PHF21B: variants seen among roughly 807,000 people sequenced by gnomAD.
The protein encoded by PHF21B is PHD finger protein 4.
A neutral mutation model predicts 62.2 loss-of-function variants in PHF21B; 22 were observed. The ratio of observed to expected loss-of-function variants is 0.35; its 90% CI spans 0.25 to 0.51. The LOEUF is 0.51. Among genes scored for constraint, PHF21B ranks in the 20% least tolerant of loss-of-function variants. PHF21B has a pLI of 0.97. For missense variants in PHF21B, 701 were observed against 707.9 expected (o/e 0.99, Z 0.11); for synonymous variants, 341 against 314.7 (o/e 1.08, Z -0.88).
chr22:44,989,797 A>T (rs1452726672), intron 2 of PHF21B, among the ~76,000 whole-genome samples: 1 of 152,004 alleles, frequency 6.6e-6, no homozygotes, highest in Non-Finnish European at 1.5e-5. Flanking sequence ...TTTAGTAGAG[A>T]CAGGGTTTCA....
intron 2 of PHF21B, among the ~76,000 whole-genome samples, chr22:44,932,781 G>A (rs937075769): frequency 6.6e-6 from 1 of 152,248 alleles, no homozygotes; most frequent in African/African-American, 2.4e-5. Context: ...CTTGGTGTGG[G>A]CAGGGATGCA....
chr22:44,916,734 A>C (rs1469103555), intron 3 of PHF21B, 104 bp from the exon 4 acceptor site: 13 of 1,021,022 alleles, frequency 1.3e-5, no homozygotes, highest in Non-Finnish European at 1.8e-5. Flanking sequence ...GGGAAGGGGC[A>C]GCACTGGAAA....
chr22:44,982,422 C>A (rs1026219639), intron 2 of PHF21B, among the ~76,000 whole-genome samples: 1 of 152,218 alleles, frequency 6.6e-6, no homozygotes, highest in Non-Finnish European at 1.5e-5. Flanking sequence ...AACCCTTCCA[C>A]AGATGAGAAA....
intron 2 of PHF21B, among the ~76,000 whole-genome samples, chr22:44,964,394 C>A (rs1569259211): frequency 2.0e-5 from 3 of 152,194 alleles, no homozygotes; most frequent in African/African-American, 7.2e-5. Flanking sequence ...TCTCGCACCC[C>A]TGAACCTGGG....
chr22:44,943,286 C>T (rs1449471123), intron 2 of PHF21B, among the ~76,000 whole-genome samples: 1 of 152,108 alleles, frequency 6.6e-6, no homozygotes, highest in Non-Finnish European at 1.5e-5. Flanking sequence ...GCCAGGGGCT[C>T]GGGGACACAG....
chr22:44,891,197 C>A (rs1465420802), intron 8 of PHF21B, 109 bp downstream of exon 8: 1 of 1,247,178 alleles, frequency 8.0e-7, no homozygotes, highest in Admixed American at 2.0e-5. Flanking sequence ...CCAGGTCAGA[C>A]CAGTGGGAGG....
At chr22:44,913,423 G>C (rs1044811954) in intron 5 of PHF21B, among the ~76,000 whole-genome samples, 3 of 152,196 alleles carry the variant, frequency 2.0e-5, no homozygotes, top group Non-Finnish European at 2.9e-5. Flanking sequence ...ACCAGGTGCT[G>C]TCCAGGGGCT....
At chr22:44,926,831 G>A (rs372597981) in intron 2 of PHF21B, among the ~76,000 whole-genome samples, 16 of 152,294 alleles carry the variant, frequency 1.1e-4, no homozygotes, top group East Asian at 3.9e-4. Flanking sequence ...GTATCCGGGT[G>A]TTGCCATGTG....
At chr22:44,955,292 C>T (rs116022378) in intron 2 of PHF21B, among the ~76,000 whole-genome samples, 2,767 of 152,320 alleles carry the variant, frequency 0.018, 89 homozygotes, top group African/African-American at 0.062. Flanking sequence ...GCTTCAGCCT[C>T]CTCATCTGGG....
At chr22:44,916,147 G>C in intron 4 of PHF21B, 133 bp downstream of exon 4, 1 of 822,812 alleles carries the variant, frequency 1.2e-6, no homozygotes, top group Non-Finnish European at 1.9e-6. Flanking sequence ...TCATTCATTT[G>C]TCCACTTGAT....
chr22:44,920,153 A>G (rs2071508695), intron 3 of PHF21B, among the ~76,000 whole-genome samples: 1 of 152,232 alleles, frequency 6.6e-6, no homozygotes. Flanking sequence ...CATTTATTCC[A>G]TTTTAAAAAA....
At chr22:44,955,136 G>C (rs2072270540) in intron 2 of PHF21B, among the ~76,000 whole-genome samples, 1 of 152,186 alleles carries the variant, frequency 6.6e-6, no homozygotes, top group Non-Finnish European at 1.5e-5. Flanking sequence ...GTCATGCTGT[G>C]TCTCCCAGAG....
At position 44,969,652 on chromosome 22, in the gene PHF21B, C is replaced by T. The variant is rs1164084596; in HGVS notation, c.120+38893G>A. On this transcript the variant is annotated intron_variant, in intron 2 of 12. Transcript: ENST00000313237. ...CTGCACTCCAGCCTGGGTCATACAG[C>T]GAGACTCAGTCTCAAAAAAAAAGAA... Among the ~76,000 whole-genome samples the T allele has an allele frequency of 3.3e-5, 5 of 151,766 alleles. No individual in the cohort carries two copies. In the South Asian group the frequency reaches 6.3e-4, roughly 19 times the overall value.
Position 44,980,064 on chromosome 22 carries a change from G to A in PHF21B, c.120+28481C>T, listed in dbSNP as rs553705322. Among the ~76,000 whole-genome samples, 403 of 57,972 alleles carry A rather than the reference G, an allele frequency of 7.0e-3. 1 individual carries two copies. The highest frequency in any genetic ancestry group is 9.9e-3 in the Admixed American group (28 of 2,816). 38.0% of individuals were successfully genotyped at this position (57,972 alleles called of 152,430 possible). A position where few individuals can be genotyped will look rare whatever the true frequency, so the allele number is the denominator to read the frequency against. ...AGCCTGGGCAACAGAGCAAGACTTC[G>A]TCTCAAAAAAAAAAAAAAAAAAAAA... On this transcript the variant is annotated intron_variant, in intron 2 of 12. Coordinates refer to ENST00000313237, the MANE Select transcript of PHF21B (RefSeq NM_138415.5).
At chr22:44,998,497 G>A (rs765656881) in intron 2 of PHF21B, among the ~76,000 whole-genome samples, 36 of 152,100 alleles carry the variant, frequency 2.4e-4, no homozygotes, top group Non-Finnish European at 3.5e-4. Context: ...AGTTTCCCTC[G>A]GGTAAGATGA....
chr22:44,941,756 A>C (rs890658116), intron 2 of PHF21B, among the ~76,000 whole-genome samples: 1 of 152,100 alleles, frequency 6.6e-6, no homozygotes, highest in Non-Finnish European at 1.5e-5. Flanking sequence ...TCTGGTCAGG[A>C]AACAGACCTG....
In PHF21B at chr22:45,008,913, TGTGA is replaced by T. The variant is rs1009619303; in HGVS notation, c.55-307_55-304del. ...GGGTGCGTGTGCGAGTGAGTGTGAG[TGTGA>T]GTGTGTGCCGGGGGAGGGGGGAGGA... On this transcript the variant is annotated intron_variant, in intron 1 of 12. Coordinates refer to ENST00000313237, the MANE Select transcript of PHF21B (RefSeq NM_138415.5). The T allele has an allele frequency of 1.0e-4, 120 of 1,145,078 alleles. No homozygotes were observed. The East Asian group carries it at 1.0e-3, about 10-fold the overall frequency. 70.9% of individuals were successfully genotyped at this position (1,145,078 alleles called of 1,614,324 possible).
chr22:44,913,953 T>C lies in PHF21B; in HGVS notation c.700A>G (p.Ile234Val). The part of the protein sequence containing the change: ...PLHGIFQVII[I>V]QPQVQTQPES... The stretch of plus-strand genomic sequence containing the variant: ...GGCTGCGTCTGCACTTGAGGCTGAA[T>C]GATGATGACCTGGAAGATGCCATGG... Residue 234 changes from isoleucine (I) to valine (V), a missense_variant, in exon 5 of 13, where the codon ATT becomes GTT. Transcript: ENST00000313237. 6.2e-7 allele frequency: 1 copy of C among 1,604,208 alleles called. No homozygotes were observed. The highest frequency in any genetic ancestry group is 8.5e-7 in the Non-Finnish European group (1 of 1,178,616).
intron 4 of PHF21B, 60 bp downstream of exon 4, chr22:44,916,220 G>T: frequency 6.7e-7 from 1 of 1,495,286 alleles, no homozygotes; most frequent in Non-Finnish European, 9.0e-7. Context: ...CCAAATGATT[G>T]CTCTCGGCCT....
Sources: gnomAD v4.1 joint callset for allele counts (sites outside exome capture counted in the v4.1 genomes callset) on GRCh38, gnomAD v4.1.1 for gene constraint, MANE v1.5 for transcripts, NCBI Gene and HGNC (gene_info 2026-07-23, HGNC 2026-07-21) for gene names.